The following BLTP2 variants were observed in gnomAD, a reference collection of about 807,000 sequenced individuals.
The protein encoded by BLTP2 is U937-associated antigen.
chr17:28,640,581 A>T, the BLTP2 span: 1 of 1,614,116 alleles, frequency 6.2e-7, no homozygotes, highest in South Asian at 1.1e-5. Flanking sequence ...ATTCATGGAC[A>T]ATACCACGCT....
the BLTP2 span, chr17:28,638,704 C>G: frequency 1.0e-6 from 1 of 968,550 alleles, no homozygotes; most frequent in Non-Finnish European, 1.6e-6. Flanking sequence ...TATCATGGAA[C>G]AGTTTCTGAA....
At chr17:28,626,163 G>GTGT in the BLTP2 span, among the ~76,000 whole-genome samples, 2 of 152,090 alleles carry the variant, frequency 1.3e-5, no homozygotes, top group African/African-American at 4.8e-5. Flanking sequence ...ACTACTCCCA[G>GTGT]ATCTGTCTTC....
At chr17:28,644,037 C>G in the BLTP2 span, 3 of 1,613,406 alleles carry the variant, frequency 1.9e-6, no homozygotes, top group African/African-American at 1.3e-5. Context: ...ACACACATAT[C>G]CAGAGTTTCC....
At chr17:28,620,698 C>T in the BLTP2 span, 6 of 1,566,782 alleles carry the variant, frequency 3.8e-6, no homozygotes, top group African/African-American at 4.1e-5. Context: ...CATCTCTTAA[C>T]CCACATTTGG....
chr17:28,642,112 A>G, the BLTP2 span: 44 of 1,605,322 alleles, frequency 2.7e-5, no homozygotes, highest in Non-Finnish European at 3.8e-5. Context: ...GGTGTATGTA[A>G]GAAAGTTTGG....
At chr17:28,635,917 A>AT in the BLTP2 span, 1 of 250,010 alleles carries the variant, frequency 4.0e-6, no homozygotes, top group Non-Finnish European at 7.7e-6. Flanking sequence ...TACTCAGTAT[A>AT]GACAGCAGGT....
chr17:28,628,913 G>A, the BLTP2 span, among the ~76,000 whole-genome samples: 5 of 151,066 alleles, frequency 3.3e-5, no homozygotes, highest in East Asian at 5.8e-4. Context: ...TAGCCCAGGC[G>A]ACAGAGAGAG....
chr17:28,645,071 G>T, the BLTP2 span: 7 of 1,573,844 alleles, frequency 4.4e-6, no homozygotes, highest in Non-Finnish European at 6.0e-6. Flanking sequence ...GTCCGGGTCC[G>T]GCCCGGCTTG....
the BLTP2 span, chr17:28,624,177 G>C: frequency 8.9e-6 from 14 of 1,568,386 alleles, no homozygotes; most frequent in Non-Finnish European, 1.2e-5. Flanking sequence ...GGGGGAAGGG[G>C]AACAATATGA....
chr17:28,623,870 C>T, the BLTP2 span: 11 of 1,614,098 alleles, frequency 6.8e-6, no homozygotes, highest in Admixed American at 5.0e-5. Context: ...TTCAATGTAT[C>T]ACCATACCAG....
chr17:28,615,810 G>C, the BLTP2 span: 1 of 1,612,626 alleles, frequency 6.2e-7, no homozygotes, highest in African/African-American at 1.3e-5. Flanking sequence ...TGTAAGAGGA[G>C]GGGGAGGGGA....
chr17:28,638,469 G>A, the BLTP2 span: 1 of 1,599,900 alleles, frequency 6.3e-7, no homozygotes, highest in Non-Finnish European at 8.6e-7. Context: ...CCATCAATTG[G>A]GCCTAGCTCC....
chr17:28,617,632 G>A, the BLTP2 span, among the ~76,000 whole-genome samples: 1 of 152,188 alleles, frequency 6.6e-6, no homozygotes, highest in Non-Finnish European at 1.5e-5. Context: ...CAGAAAAGCT[G>A]AATGTCAGTA....
the BLTP2 span, among the ~76,000 whole-genome samples, chr17:28,617,786 G>T: frequency 6.6e-6 from 1 of 151,990 alleles, no homozygotes; most frequent in Non-Finnish European, 1.5e-5. Context: ...TTGAGACAGG[G>T]TCTCACTCTG....
At chr17:28,637,136 G>A in the BLTP2 span, 2 of 1,614,120 alleles carry the variant, frequency 1.2e-6, no homozygotes, top group Non-Finnish European at 8.5e-7. Context: ...CACTGCCCAG[G>A]ATAGTTAGGG....
At chr17:28,642,283 C>A in the BLTP2 span, 1 of 1,614,036 alleles carries the variant, frequency 6.2e-7, no homozygotes, top group African/African-American at 1.3e-5. Flanking sequence ...ACCAGCTGAC[C>A]ACTCTTTAGA....
At chr17:28,634,385 C>T in the BLTP2 span, 2 of 840,606 alleles carry the variant, frequency 2.4e-6, no homozygotes, top group Non-Finnish European at 3.8e-6. Flanking sequence ...GGAAGGGAAG[C>T]CCACCCATCC....
At chr17:28,644,191 C>T in the BLTP2 span, 1 of 1,612,396 alleles carries the variant, frequency 6.2e-7, no homozygotes, top group Non-Finnish European at 8.5e-7. Context: ...AAGCCACCTG[C>T]AGAAAAATTC....
At chr17:28,638,272 G>C in the BLTP2 span, 18 of 1,612,632 alleles carry the variant, frequency 1.1e-5, no homozygotes, top group Non-Finnish European at 1.4e-5. Flanking sequence ...AAGGAGTCCA[G>C]AACAAGTGCC....
Sources: gnomAD v4.1 joint callset for allele counts (sites outside exome capture counted in the v4.1 genomes callset) on GRCh38, gnomAD v4.1.1 for gene constraint, MANE v1.5 for transcripts, NCBI Gene and HGNC (gene_info 2026-07-23, HGNC 2026-07-21) for gene names.